APBB2: variants seen among roughly 807,000 people sequenced by gnomAD.
APBB2 encodes Fe65-like 1.
Under a neutral mutation model 82.5 loss-of-function variants are expected in APBB2, and 38 were observed. The observed-to-expected ratio is 0.46, with a 90% CI of 0.36 to 0.60. The LOEUF (loss-of-function observed/expected upper bound fraction) is 0.60, where lower values mean the gene tolerates loss of function less well. APBB2 is among the 20% of genes least tolerant of loss of function. APBB2 has a pLI of 0.00. For missense variants in APBB2, 772 were observed against 972.3 expected (o/e 0.79, Z 2.74); for synonymous variants, 341 against 368.2 (o/e 0.93, Z 0.85).
intron 4 of APBB2, among the ~76,000 whole-genome samples, chr4:41,044,800 T>A (rs938764388): frequency 6.6e-6 from 1 of 152,206 alleles, no homozygotes; most frequent in Non-Finnish European, 1.5e-5. Flanking sequence ...ATAGTTTTAT[T>A]AGAATATCTT....
At chr4:41,152,820 CT>C (rs1427348301) in intron 1 of APBB2, among the ~76,000 whole-genome samples, 1 of 152,214 alleles carries the variant, frequency 6.6e-6, no homozygotes, top group Non-Finnish European at 1.5e-5. Flanking sequence ...CCTAGAGCCA[CT>C]TTAGCTCCTC....
intron 12 of APBB2, chr4:40,842,656 TCA>T (rs753718539): frequency 2.9e-5 from 6 of 205,436 alleles, no homozygotes; most frequent in Admixed American, 5.5e-5. Flanking sequence ...GCTTAAAATA[TCA>T]CAGTCAAATA....
chr4:40,917,417 C>T (rs1005444893), intron 10 of APBB2, among the ~76,000 whole-genome samples: 1 of 152,124 alleles, frequency 6.6e-6, no homozygotes. Context: ...GTCCACAGTA[C>T]TCATCCCACC....
intron 6 of APBB2, among the ~76,000 whole-genome samples, chr4:40,948,065 T>C (rs1303368883): frequency 2.0e-5 from 3 of 152,246 alleles, no homozygotes; most frequent in Non-Finnish European, 4.4e-5. Flanking sequence ...TATCCCTTGA[T>C]GGCATATGTG....
chr4:41,026,459 C>T (rs2154435838), intron 5 of APBB2, among the ~76,000 whole-genome samples: 1 of 152,230 alleles, frequency 6.6e-6, no homozygotes, highest in Non-Finnish European at 1.5e-5. Flanking sequence ...TTTTTATCAC[C>T]AAAAATGAAA....
chr4:41,159,961 GAGAAGAAGA>G (rs1161043741), intron 1 of APBB2, among the ~76,000 whole-genome samples: 2,073 of 31,894 alleles, frequency 0.065, 143 homozygotes, highest in Non-Finnish European at 0.077. Flanking sequence ...GAAGGAGAAG[GAGAAGAAGA>G]AGAAGAAGAA....
intron 1 of APBB2, among the ~76,000 whole-genome samples, chr4:41,203,506 T>C (rs1187762306): frequency 3.3e-5 from 5 of 152,196 alleles, no homozygotes; most frequent in Admixed American, 3.3e-4. Context: ...TAATTGGAAT[T>C]TGAATGCAGG....
chr4:41,088,154 C>T (rs1434650801), intron 3 of APBB2, among the ~76,000 whole-genome samples: 1 of 152,286 alleles, frequency 6.6e-6, no homozygotes, highest in Non-Finnish European at 1.5e-5. Flanking sequence ...AGAAGAGGTA[C>T]TTGATGTCTC....
At chr4:41,105,830 G>A (rs1223023527) in intron 2 of APBB2, among the ~76,000 whole-genome samples, 7 of 149,966 alleles carry the variant, frequency 4.7e-5, no homozygotes, top group African/African-American at 1.7e-4. Flanking sequence ...AGCTTGCGGT[G>A]AGCCCAGATA....
chr4:41,167,128 A>G (rs932446404), intron 1 of APBB2, among the ~76,000 whole-genome samples: 1 of 152,212 alleles, frequency 6.6e-6, no homozygotes, highest in African/African-American at 2.4e-5. Flanking sequence ...GATATAACTC[A>G]TGAACAGTCA....
At chr4:41,045,360 C>T (rs1324533620) in intron 4 of APBB2, among the ~76,000 whole-genome samples, 1 of 152,100 alleles carries the variant, frequency 6.6e-6, no homozygotes, top group African/African-American at 2.4e-5. Flanking sequence ...GTGGCGTGAT[C>T]TCGGCTCACT....
intron 17 of APBB2, among the ~76,000 whole-genome samples, chr4:40,818,411 T>C (rs549119082): frequency 1.3e-5 from 2 of 152,228 alleles, no homozygotes; most frequent in African/African-American, 4.8e-5. Flanking sequence ...GCCAAAGAGA[T>C]AAAACTCATT....
rs1759137069 is a variant in APBB2, at chr4:41,141,346, GTC to G, written c.-261+1639_-261+1640del. 1.0e-4 allele frequency among the ~76,000 whole-genome samples: 10 copies of G among 98,074 alleles called. No homozygotes were observed. The South Asian group carries it at 2.5e-3, about 24-fold the overall frequency. The allele number at this position is 98,074 out of a possible 152,430, so 64.3% of individuals were successfully genotyped here. On this transcript the variant is annotated intron_variant, in intron 2 of 17. Transcript: ENST00000508593. ...TGTGTGTGTGTCTGTGTGTGTGTGT[GTC>G]TGTGTGTCTGTGTGCACACGCGCAT...
intron 6 of APBB2, among the ~76,000 whole-genome samples, chr4:40,990,935 T>A (rs1337147805): frequency 6.7e-6 from 1 of 149,642 alleles, no homozygotes; most frequent in Non-Finnish European, 1.5e-5. Flanking sequence ...AAACCCTGAA[T>A]GGGGGTTGGG....
At chr4:41,052,918 T>C (rs1195239555) in intron 4 of APBB2, among the ~76,000 whole-genome samples, 1 of 152,010 alleles carries the variant, frequency 6.6e-6, no homozygotes, top group East Asian at 1.9e-4. Flanking sequence ...CACCAGCCAC[T>C]GCACTGGGCC....
At position 40,816,272 on chromosome 4, in the gene APBB2, A is replaced by C. The variant is rs1745606003; in HGVS notation, c.2113-13T>G. 3 of 1,614,160 alleles carry C rather than the reference A, an allele frequency of 1.9e-6. No individual in the cohort carries two copies. Among genetic ancestry groups the C allele is most frequent in the Non-Finnish European group, 2.5e-6 (3 of 1,179,996 alleles). ...TCTGATATCGTAACTGAAATAAAAC[A>C]AAACGTGTTTTAAGGTAATTAACAA... On this transcript the variant is annotated splice_polypyrimidine_tract_variant and intron_variant, in intron 17 of 17. Transcript: ENST00000508593.
intron 3 of APBB2, among the ~76,000 whole-genome samples, chr4:41,079,549 A>ATT (rs36207850): frequency 1.7e-4 from 24 of 145,098 alleles, no homozygotes; most frequent in East Asian, 4.0e-4. Context: ...AGGCTCATCA[A>ATT]TTTTTTTTTT....
At chr4:41,198,397 C>A in intron 1 of APBB2, among the ~76,000 whole-genome samples, 1 of 152,220 alleles carries the variant, frequency 6.6e-6, no homozygotes, top group African/African-American at 2.4e-5. Flanking sequence ...TATCAAAAAT[C>A]ATTTCCTTTT....
chr4:40,813,209 T>G lies in APBB2; in HGVS notation c.*2883A>C, dbSNP rs945857625. On this transcript the variant is annotated 3_prime_UTR_variant, in exon 18 of 18. Coordinates refer to ENST00000508593, the MANE Select transcript of APBB2 (RefSeq NM_004307.2). ...TAGGCAATGTATAGTTCACTGAGAT[T>G]ACTTAGATCTGGATACACTGGGAGA... The G allele has an allele frequency of 3.9e-5, 6 of 152,246 alleles. No individual in the cohort carries two copies. The highest frequency in any genetic ancestry group is 3.9e-4 in the Admixed American group (6 of 15,282). The allele number at this position is 152,246 out of a possible 1,614,324, so 9.4% of individuals were successfully genotyped here.
Sources: gnomAD v4.1 joint callset for allele counts (sites outside exome capture counted in the v4.1 genomes callset) on GRCh38, gnomAD v4.1.1 for gene constraint, MANE v1.5 for transcripts, NCBI Gene and HGNC (gene_info 2026-07-23, HGNC 2026-07-21) for gene names.